The following PSMB2 variants were observed in gnomAD, a reference collection of about 807,000 sequenced individuals.
PSMB2 encodes proteasome 20S subunit beta 2.
In PSMB2, 13 loss-of-function variants were observed where a neutral mutation model predicts 25.7. The observed-to-expected ratio is 0.51, with a 90% CI of 0.33 to 0.80. The LOEUF is 0.80. PSMB2 is among the 30% of genes least tolerant of loss of function. The pLI is 0.02. For missense variants in PSMB2, 202 were observed against 259.0 expected, an observed-to-expected ratio of 0.78 and a Z score of 1.51; for synonymous variants, 87 against 96.2, an observed-to-expected ratio of 0.90 and a Z score of 0.56.
chr1:35,637,173 T>A (rs962269446), intron 1 of PSMB2, among the ~76,000 whole-genome samples: 2 of 152,198 alleles, frequency 1.3e-5, no homozygotes, highest in Non-Finnish European at 2.9e-5. Flanking sequence ...ATTATATTTA[T>A]ACACATACAA....
At position 35,631,356 on chromosome 1, in the gene PSMB2, G is replaced by C. The variant is rs776158468; in HGVS notation, c.215-12C>G. 1.2e-6 allele frequency: 2 copies of C among 1,613,628 alleles called. No homozygotes were observed. The highest frequency in any genetic ancestry group is 1.7e-5 in the Admixed American group (1 of 60,010). On this transcript the variant is annotated splice_polypyrimidine_tract_variant and intron_variant, in intron 2 of 5. Coordinates refer to ENST00000373237, the MANE Select transcript of PSMB2 (RefSeq NM_002794.5). ...AGACAATTCATATCCTGGTAGAAGA[G>C]ATAAAGAGTCATACTTAAAGTAAAG... is the stretch of plus-strand genomic sequence containing the variant.
At chr1:35,611,857 G>T (rs1316956608) in intron 3 of PSMB2, among the ~76,000 whole-genome samples, 1 of 151,250 alleles carries the variant, frequency 6.6e-6, no homozygotes, top group Admixed American at 6.6e-5. Context: ...GAGAGAGAGA[G>T]ATGGGGTCTC....
At chr1:35,632,011 C>T (rs1651119765) in intron 2 of PSMB2, among the ~76,000 whole-genome samples, 1 of 151,948 alleles carries the variant, frequency 6.6e-6, no homozygotes, top group African/African-American at 2.4e-5. Flanking sequence ...GAGCAAGACC[C>T]TGTCTCTAAA....
At chr1:35,609,503 G>T in intron 3 of PSMB2, 95 bp from the exon 4 acceptor site, 11 of 1,142,850 alleles carry the variant, frequency 9.6e-6, no homozygotes, top group Non-Finnish European at 1.3e-5. Context: ...TCATGAGAAA[G>T]AAAATATTAG....
At chr1:35,617,516 T>C (rs1255749400) in intron 3 of PSMB2, among the ~76,000 whole-genome samples, 1 of 152,228 alleles carries the variant, frequency 6.6e-6, no homozygotes, top group African/African-American at 2.4e-5. Context: ...AATGGGCAGA[T>C]GTCCCAACTA....
chr1:35,601,540 C>CAT lies in PSMB2; in HGVS notation c.*1725_*1726dup, dbSNP rs1181768962. 16 of 985,176 alleles carry CAT rather than the reference C, an allele frequency of 1.6e-5. No homozygotes were observed. The highest frequency in any genetic ancestry group is 1.9e-5 in the Non-Finnish European group (16 of 829,900). 61.0% of individuals were successfully genotyped at this position (985,176 alleles called of 1,614,324 possible). A position where few individuals can be genotyped will look rare whatever the true frequency, so the allele number is the denominator to read the frequency against. ...TTAGCTTTCTTCTTATGGTGTAAGG[C>CAT]ATTTATCATTGGCGTATTAAATAGT... On this transcript the variant is annotated 3_prime_UTR_variant, in exon 6 of 6. Transcript: ENST00000373237.
At chr1:35,631,701 C>T (rs1229341855) in intron 2 of PSMB2, among the ~76,000 whole-genome samples, 1 of 152,100 alleles carries the variant, frequency 6.6e-6, no homozygotes, top group Non-Finnish European at 1.5e-5. Context: ...GTCTTAGATG[C>T]CAATCTTTTA....
chr1:35,640,121 A>G (rs1025787576), intron 1 of PSMB2, among the ~76,000 whole-genome samples: 2 of 145,478 alleles, frequency 1.4e-5, no homozygotes, highest in African/African-American at 2.6e-5. Flanking sequence ...AAATTACTCA[A>G]TACATAATTT....
intron 3 of PSMB2, among the ~76,000 whole-genome samples, chr1:35,620,208 T>C (rs1650638720): frequency 6.6e-6 from 1 of 152,214 alleles, no homozygotes; most frequent in Non-Finnish European, 1.5e-5. Flanking sequence ...GTTAGGACTA[T>C]ATATGATGGT....
At chr1:35,606,380 A>G (rs1650170643) in intron 4 of PSMB2, among the ~76,000 whole-genome samples, 1 of 152,210 alleles carries the variant, frequency 6.6e-6, no homozygotes, top group Non-Finnish European at 1.5e-5. Flanking sequence ...AATATACAAA[A>G]ATCAGTATTT....
chr1:35,606,184 G>A (rs1198989599), intron 4 of PSMB2, among the ~76,000 whole-genome samples: 1 of 152,158 alleles, frequency 6.6e-6, no homozygotes, highest in East Asian at 1.9e-4. Flanking sequence ...GCATCCCTGT[G>A]TCTAGGAAGT....
chr1:35,626,414 G>A (rs560182310), intron 3 of PSMB2, among the ~76,000 whole-genome samples: 1 of 152,218 alleles, frequency 6.6e-6, no homozygotes, highest in Admixed American at 6.5e-5. Flanking sequence ...AATATTCTCA[G>A]CAGAATATAT....
chr1:35,638,434 T>C (rs1651305206), intron 1 of PSMB2, among the ~76,000 whole-genome samples: 2 of 152,348 alleles, frequency 1.3e-5, no homozygotes, highest in Non-Finnish European at 2.9e-5. Context: ...GATGTGGACT[T>C]GGCACTCTGA....
intron 3 of PSMB2, among the ~76,000 whole-genome samples, chr1:35,617,904 T>C (rs1232541379): frequency 1.3e-5 from 2 of 152,208 alleles, no homozygotes; most frequent in African/African-American, 4.8e-5. Flanking sequence ...GATCCAAGCC[T>C]TTTTTCATGA....
intron 3 of PSMB2, among the ~76,000 whole-genome samples, chr1:35,630,466 T>C (rs1290768252): frequency 2.0e-5 from 3 of 152,194 alleles, no homozygotes; most frequent in East Asian, 1.9e-4. Flanking sequence ...AATGGATAAA[T>C]AACCTGTAGT....
At chr1:35,638,610 A>T (rs189554614) in intron 1 of PSMB2, among the ~76,000 whole-genome samples, 1 of 152,370 alleles carries the variant, frequency 6.6e-6, no homozygotes, top group East Asian at 1.9e-4. Context: ...TCAGTGTTAG[A>T]TAATGTAGTT....
intron 3 of PSMB2, among the ~76,000 whole-genome samples, chr1:35,628,621 A>G (rs1365045886): frequency 4.3e-5 from 2 of 46,596 alleles, no homozygotes; most frequent in African/African-American, 8.8e-5. Flanking sequence ...ATATATATAT[A>G]TATATATATA....
intron 3 of PSMB2, among the ~76,000 whole-genome samples, chr1:35,613,916 G>A (rs547194875): frequency 3.9e-5 from 6 of 152,274 alleles, no homozygotes; most frequent in South Asian, 2.1e-4. Context: ...TGTAATGCCC[G>A]AAACAGTAAA....
At chr1:35,618,978 A>T (rs764430903) in intron 3 of PSMB2, among the ~76,000 whole-genome samples, 2 of 152,224 alleles carry the variant, frequency 1.3e-5, no homozygotes, top group Admixed American at 1.3e-4. Context: ...GTGTGCCTCA[A>T]ACAAAGCAAA....
Sources: allele counts gnomAD v4.1 joint callset (sites outside exome capture counted in the v4.1 genomes callset), GRCh38; gene constraint gnomAD v4.1.1; transcripts MANE v1.5; gene names NCBI Gene and HGNC (gene_info 2026-07-23, HGNC 2026-07-21).